PTK2: variants seen among roughly 807,000 people sequenced by gnomAD.
PTK2 encodes protein tyrosine kinase 2, also known as focal adhesion kinase 1.
A neutral mutation model predicts 150.1 loss-of-function variants in PTK2; 45 were observed. The observed-to-expected ratio is 0.30, with a 90% CI of 0.24 to 0.38. The LOEUF is 0.38. Ranked by LOEUF, PTK2 falls within the 10% of genes least tolerant of loss-of-function variation. The probability of loss-of-function intolerance (pLI) is 1.00; values close to 1 mark genes in which losing one functional copy is unlikely to be tolerated. For missense variants in PTK2, 919 were observed against 1,307.3 expected (o/e 0.70, Z 4.58); for synonymous variants, 432 against 449.2 (o/e 0.96, Z 0.48).
intron 28 of PTK2, 75 bp from the exon 32 acceptor site, chr8:140,674,479 C>A: frequency 7.5e-7 from 1 of 1,336,182 alleles, no homozygotes; most frequent in South Asian, 1.3e-5. Flanking sequence ...GTGGCTCATG[C>A]CTATAATCTC....
Position 140,735,580 on chromosome 8 carries a change from C to T in PTK2, c.1826-125G>A, listed in dbSNP as rs1016931676. On this transcript the variant is annotated intron_variant, in intron 21 of 31. Transcript: ENST00000522684. ...GGGAGGTAATGGGCAAATTATCTAC[C>T]AAAGCAGCATTATATTAACTCTAGT... 14 of 776,402 alleles carry T rather than the reference C, an allele frequency of 1.8e-5. No homozygotes were observed. The East Asian group carries it at 3.6e-4, about 20-fold the overall frequency. The allele number at this position is 776,402 out of a possible 1,614,324, so 48.1% of individuals were successfully genotyped here. A position where few individuals can be genotyped will look rare whatever the true frequency, so the allele number is the denominator to read the frequency against.
In PTK2 at chr8:140,949,599, G is replaced by A. The variant is rs188161502; in HGVS notation, c.-121-23850C>T. The stretch of plus-strand genomic sequence containing the variant: ...CGAGTATGCACATGCTCGAGGCAGC[G>A]CTGACACACCAGCCCCCTGCCGCCC... On this transcript the variant is annotated intron_variant, in intron 1 of 31. Coordinates refer to ENST00000522684, the Ensembl canonical transcript of PTK2. Among the ~76,000 whole-genome samples the A allele has an allele frequency of 5.4e-4, 82 of 152,320 alleles. No individual in the cohort carries two copies. In the East Asian group the frequency reaches 0.012, roughly 22 times the overall value.
intron 1 of PTK2, among the ~76,000 whole-genome samples, chr8:140,991,163 A>G (rs2100195575): frequency 6.6e-6 from 1 of 152,240 alleles, no homozygotes; most frequent in South Asian, 2.1e-4. Context: ...AGGCAAAAGA[A>G]TGTATTGAAT....
intron 9 of PTK2, 26 bp from the exon 10 acceptor site, chr8:140,818,380 C>G: frequency 6.3e-7 from 1 of 1,579,056 alleles, no homozygotes; most frequent in South Asian, 1.1e-5. Context: ...CAAGTGAGAA[C>G]AGAGGTGGCA....
At chr8:140,966,765 C>T (rs2100185453) in intron 1 of PTK2, among the ~76,000 whole-genome samples, 1 of 152,072 alleles carries the variant, frequency 6.6e-6, no homozygotes, top group African/African-American at 2.4e-5. Flanking sequence ...ATGGATATTC[C>T]CTACCCTTTG....
intron 14 of PTK2, 103 bp downstream of exon 14, chr8:140,789,371 C>A: frequency 9.3e-7 from 1 of 1,072,464 alleles, no homozygotes; most frequent in South Asian, 2.3e-5. Context: ...TGCTTATTTT[C>A]ATAAGCTATT....
intron 7 of PTK2, among the ~76,000 whole-genome samples, chr8:140,834,966 G>A (rs899967382): frequency 6.6e-6 from 1 of 152,158 alleles, no homozygotes; most frequent in Admixed American, 6.5e-5. Flanking sequence ...ATTCCTGCAT[G>A]ATGACTATGC....
intron 20 of PTK2, among the ~76,000 whole-genome samples, chr8:140,740,591 G>A (rs2100055110): frequency 6.6e-6 from 1 of 152,148 alleles, no homozygotes; most frequent in South Asian, 2.1e-4. Flanking sequence ...TAACCTTTCT[G>A]AGAAGATATC....
At chr8:140,912,674 A>G (rs533990645) in intron 2 of PTK2, among the ~76,000 whole-genome samples, 3 of 152,162 alleles carry the variant, frequency 2.0e-5, no homozygotes, top group South Asian at 4.1e-4. Context: ...TTGAAAAAGG[A>G]TATCAGCTGG....
chr8:140,826,794 T>G (rs2100112018), intron 8 of PTK2, among the ~76,000 whole-genome samples: 1 of 152,096 alleles, frequency 6.6e-6, no homozygotes, highest in Non-Finnish European at 1.5e-5. Flanking sequence ...GGTCCATGCC[T>G]GTAATCCCAG....
chr8:140,921,236 G>A (rs1488380102), intron 2 of PTK2: 11 of 642,390 alleles, frequency 1.7e-5, no homozygotes, highest in Non-Finnish European at 2.2e-5. Flanking sequence ...TTCAGGGAAG[G>A]AGAAAGAGGG....
intron 22 of PTK2, 21 bp downstream of exon 25, chr8:140,735,230 C>G: frequency 6.2e-7 from 1 of 1,609,818 alleles, no homozygotes; most frequent in Non-Finnish European, 8.5e-7. Context: ...CCCCCAGGCC[C>G]TCTCTCCCGC....
intron 7 of PTK2, among the ~76,000 whole-genome samples, chr8:140,845,755 G>A (rs904844443): frequency 6.6e-5 from 10 of 152,112 alleles, no homozygotes; most frequent in African/African-American, 2.2e-4. Flanking sequence ...GAAGTATAGG[G>A]TTTCTAGCCT....
chr8:140,746,862 T>C lies in PTK2; in HGVS notation c.1418-2A>G. ...GATGGTCAAACTGACGCATTGTTAC[T>C]AGGAAAAAAGTTCTCCATAGTTATT... On this transcript the variant is annotated splice_acceptor_variant, in intron 17 of 31. Transcript: ENST00000522684. LOFTEE classifies it high-confidence loss of function. 1 of 1,583,036 alleles carries C rather than the reference T, an allele frequency of 6.3e-7. No homozygotes were observed. Among genetic ancestry groups the C allele is most frequent in the Non-Finnish European group, 8.6e-7 (1 of 1,161,406 alleles).
chr8:140,694,955 C>T (rs952903918), intron 26 of PTK2, among the ~76,000 whole-genome samples: 3 of 152,028 alleles, frequency 2.0e-5, no homozygotes, highest in African/African-American at 7.3e-5. Flanking sequence ...TACACCGCAC[C>T]AGGCGTTATT....
intron 14 of PTK2, among the ~76,000 whole-genome samples, chr8:140,783,157 C>T (rs2100082861): frequency 6.6e-6 from 1 of 152,126 alleles, no homozygotes; most frequent in Admixed American, 6.5e-5. Flanking sequence ...AGGAGGATCA[C>T]TTGAGCCCAG....
At chr8:140,812,313 T>C (rs112765290) in intron 10 of PTK2, among the ~76,000 whole-genome samples, 1,541 of 152,248 alleles carry the variant, frequency 0.01, 23 homozygotes, top group African/African-American at 0.035. Flanking sequence ...GCTTCATAAA[T>C]AAAGGAGATA....
In PTK2 at chr8:140,665,273, AT is replaced by A. The variant is rs111560244; in HGVS notation, c.2866-277del. Among the ~76,000 whole-genome samples, 402 of 148,478 alleles carry A rather than the reference AT, an allele frequency of 2.7e-3. 7 individuals are homozygous for A. The highest frequency in any genetic ancestry group is 8.9e-3 in the African/African-American group (363 of 40,668). On this transcript the variant is annotated intron_variant, in intron 30 of 31. Transcript: ENST00000522684. ...ACAGATGCTGAGGGTGGAAAGCAGGATTTTTTTTTTTCTCATCTACTGCTTC... is the reference window on the plus strand; with the variant it reads ...ACAGATGCTGAGGGTGGAAAGCAGGATTTTTTTTTTCTCATCTACTGCTTC...
chr8:140,723,381 G>A (rs914436001), intron 22 of PTK2, among the ~76,000 whole-genome samples: 2 of 152,114 alleles, frequency 1.3e-5, no homozygotes, highest in African/African-American at 2.4e-5. Flanking sequence ...CTGTCAAAAC[G>A]TTTCTGAGAA....
Sources: allele counts gnomAD v4.1 joint callset (sites outside exome capture counted in the v4.1 genomes callset), GRCh38; gene constraint gnomAD v4.1.1; transcripts MANE v1.5; gene names NCBI Gene and HGNC (gene_info 2026-07-23, HGNC 2026-07-21).